MARCHF5: variants seen among roughly 807,000 people sequenced by gnomAD.
MARCHF5 encodes membrane associated ring-CH-type finger 5, also known as E3 ubiquitin-protein ligase MARCHF5.
A neutral mutation model predicts 36.5 loss-of-function variants in MARCHF5; 5 were observed. The ratio of observed to expected loss-of-function variants is 0.14; its 90% CI spans 0.07 to 0.29. The LOEUF is 0.29. Among genes scored for constraint, MARCHF5 ranks in the 10% least tolerant of loss-of-function variants. The probability of loss-of-function intolerance (pLI) is 1.00; values close to 1 mark genes in which losing one functional copy is unlikely to be tolerated. For missense variants in MARCHF5, 179 were observed against 336.3 expected (o/e 0.53, Z 3.66); for synonymous variants, 103 against 109.9 (o/e 0.94, Z 0.39).
chr10:92,327,689 A>C, intron 2 of MARCHF5, among the ~76,000 whole-genome samples: 1 of 152,358 alleles, frequency 6.6e-6, no homozygotes, highest in East Asian at 1.9e-4. Flanking sequence ...AATACACAGA[A>C]CTAGTTATAT....
intron 3 of MARCHF5, among the ~76,000 whole-genome samples, chr10:92,348,201 A>AT (rs1491202676): frequency 3.1e-4 from 34 of 109,662 alleles, no homozygotes; most frequent in African/African-American, 1.0e-3. Context: ...AAAAAAAAAA[A>AT]TTTTTGGCCA....
Position 92,353,395 on chromosome 10 carries a change from C to CT in MARCHF5, c.*2191dup, listed in dbSNP as rs1843742105. 2 of 152,294 alleles carry CT rather than the reference C, an allele frequency of 1.3e-5. No homozygotes were observed. Among genetic ancestry groups the CT allele is most frequent in the East Asian group, 3.9e-4 (2 of 5,182 alleles). 9.4% of individuals were successfully genotyped at this position (152,294 alleles called of 1,614,324 possible). A position where few individuals can be genotyped will look rare whatever the true frequency, so the allele number is the denominator to read the frequency against. On this transcript the variant is annotated 3_prime_UTR_variant, in exon 6 of 6. Transcript: ENST00000358935. ...GTATGATTTTGGCTAAAGGATTTGACTTTCTCTCAACTGCAGTTTTCTTAA... is the reference window on the plus strand; with the variant it reads ...GTATGATTTTGGCTAAAGGATTTGACTTTTCTCTCAACTGCAGTTTTCTTAA...
chr10:92,348,835 A>G (rs1843686036), intron 3 of MARCHF5, among the ~76,000 whole-genome samples: 1 of 152,182 alleles, frequency 6.6e-6, no homozygotes. Context: ...AGCCAGCCAG[A>G]GACATCACAC....
intron 1 of MARCHF5, among the ~76,000 whole-genome samples, chr10:92,298,164 C>T (rs988179099): frequency 1.5e-5 from 2 of 131,436 alleles, no homozygotes; most frequent in African/African-American, 4.9e-5. Flanking sequence ...TGCCACTGCA[C>T]GATCTCTCTC....
rs1554948587 is a variant in MARCHF5 at position 92,329,395 on chromosome 10, A to AGGGTAC, written c.239-11277_239-11272dup. On this transcript the variant is annotated intron_variant, in intron 2 of 5. Transcript: ENST00000358935. ...AAAGTAAGAATACTTAGATTGTAAAAGGGTACTATAGAGTAAGAAATATAT... is the reference window on the plus strand; with the variant it reads ...AAAGTAAGAATACTTAGATTGTAAAAGGGTACGGGTACTATAGAGTAAGAAATATAT... 3.0e-4 allele frequency among the ~76,000 whole-genome samples: 46 copies of AGGGTAC among 152,334 alleles called. No homozygotes were observed. In the South Asian group the frequency reaches 9.3e-3, roughly 31 times the overall value.
At chr10:92,307,676 AC>A (rs1302756071) in intron 1 of MARCHF5, among the ~76,000 whole-genome samples, 1 of 152,046 alleles carries the variant, frequency 6.6e-6, no homozygotes, top group African/African-American at 2.4e-5. Flanking sequence ...GGAGTTCAAG[AC>A]CAGCCTAGCC....
chr10:92,332,328 A>G (rs374090496), intron 2 of MARCHF5, among the ~76,000 whole-genome samples: 19 of 152,100 alleles, frequency 1.2e-4, no homozygotes, highest in East Asian at 9.6e-4. Flanking sequence ...AGTTTGCAGG[A>G]TGTTTGTTCT....
chr10:92,335,774 A>G (rs1290600670), intron 2 of MARCHF5, among the ~76,000 whole-genome samples: 3 of 152,242 alleles, frequency 2.0e-5, no homozygotes, highest in Admixed American at 6.5e-5. Flanking sequence ...CTTCCAAGGA[A>G]AAACAAGAAA....
intron 2 of MARCHF5, among the ~76,000 whole-genome samples, chr10:92,323,581 C>T (rs1843316615): frequency 6.6e-6 from 1 of 152,162 alleles, no homozygotes; most frequent in East Asian, 1.9e-4. Flanking sequence ...CATCCCTCCC[C>T]GAGCTCCTGG....
At chr10:92,309,436 A>C (rs1433143379) in intron 1 of MARCHF5, among the ~76,000 whole-genome samples, 3 of 152,208 alleles carry the variant, frequency 2.0e-5, no homozygotes, top group African/African-American at 7.2e-5. Context: ...GATTAATTTA[A>C]AATGTGATTC....
At chr10:92,348,475 C>T (rs1179785636) in intron 3 of MARCHF5, among the ~76,000 whole-genome samples, 1 of 151,930 alleles carries the variant, frequency 6.6e-6, no homozygotes, top group Non-Finnish European at 1.5e-5. Context: ...GGCAACACAG[C>T]GAGACTCCAT....
At chr10:92,332,464 A>C (rs1013661937) in intron 2 of MARCHF5, among the ~76,000 whole-genome samples, 2 of 150,886 alleles carry the variant, frequency 1.3e-5, no homozygotes, top group Non-Finnish European at 2.9e-5. Flanking sequence ...ACAGTGGGGA[A>C]TGCTAGAGAA....
intron 1 of MARCHF5, among the ~76,000 whole-genome samples, chr10:92,299,982 T>G (rs1257067554): frequency 1.3e-5 from 2 of 151,542 alleles, no homozygotes; most frequent in African/African-American, 4.9e-5. Flanking sequence ...AGCAAAATAC[T>G]AAGACCCCCG....
At chr10:92,297,004 T>C (rs1842954764) in intron 1 of MARCHF5, among the ~76,000 whole-genome samples, 1 of 152,118 alleles carries the variant, frequency 6.6e-6, no homozygotes, top group African/African-American at 2.4e-5. Flanking sequence ...TTTCCAGATA[T>C]ATGTAAAAAA....
intron 1 of MARCHF5, among the ~76,000 whole-genome samples, chr10:92,299,356 A>T (rs1430954860): frequency 6.6e-6 from 1 of 152,098 alleles, no homozygotes; most frequent in Non-Finnish European, 1.5e-5. Context: ...ACGTGCTTTG[A>T]TCTGTTACTA....
At chr10:92,321,983 G>A (rs1425119605) in intron 2 of MARCHF5, among the ~76,000 whole-genome samples, 1 of 151,772 alleles carries the variant, frequency 6.6e-6, no homozygotes, top group Admixed American at 6.6e-5. Flanking sequence ...GGTGGCTCAT[G>A]CCTGTAATCC....
chr10:92,297,601 C>T (rs947811941), intron 1 of MARCHF5, among the ~76,000 whole-genome samples: 5 of 150,402 alleles, frequency 3.3e-5, no homozygotes, highest in Non-Finnish European at 5.9e-5. Flanking sequence ...AATTGATTCT[C>T]CCACCTCAAC....
intron 1 of MARCHF5, among the ~76,000 whole-genome samples, chr10:92,295,502 G>A (rs1195442243): frequency 6.7e-6 from 1 of 150,088 alleles, no homozygotes; most frequent in Non-Finnish European, 1.5e-5. Context: ...GTGCCTCTTG[G>A]GTTCACGCCA....
intron 2 of MARCHF5, among the ~76,000 whole-genome samples, chr10:92,323,112 G>A (rs542909836): frequency 6.6e-6 from 1 of 152,268 alleles, no homozygotes; most frequent in South Asian, 2.1e-4. Context: ...TGCAGTCATA[G>A]TACACTGCAG....
Sources: allele counts gnomAD v4.1 joint callset (sites outside exome capture counted in the v4.1 genomes callset), GRCh38; gene constraint gnomAD v4.1.1; transcripts MANE v1.5; gene names NCBI Gene and HGNC (gene_info 2026-07-23, HGNC 2026-07-21).